The following UBE2E2 variants were observed in gnomAD, a reference collection of about 807,000 sequenced individuals.
UBE2E2 encodes ubiquitin conjugating enzyme E2 E2.
In UBE2E2, 6 loss-of-function variants were observed where a neutral mutation model predicts 24.7. The ratio of observed to expected loss-of-function variants is 0.24; its 90% CI spans 0.13 to 0.48. UBE2E2 has a LOEUF of 0.48. UBE2E2 is among the 20% of genes least tolerant of loss of function. The probability of loss-of-function intolerance (pLI) is 0.99; values close to 1 mark genes in which losing one functional copy is unlikely to be tolerated. For missense variants in UBE2E2, 169 were observed against 245.0 expected (o/e 0.69, Z 2.07); for synonymous variants, 104 against 83.6 (o/e 1.24, Z -1.33).
At chr3:23,400,052 C>T (rs187979108) in intron 3 of UBE2E2, among the ~76,000 whole-genome samples, 1 of 152,122 alleles carries the variant, frequency 6.6e-6, no homozygotes, top group Admixed American at 6.5e-5. Context: ...TATTACTACT[C>T]CACTGATAAA....
intron 3 of UBE2E2, among the ~76,000 whole-genome samples, chr3:23,247,945 G>GT (rs1697458059): frequency 6.6e-6 from 1 of 152,154 alleles, no homozygotes; most frequent in Admixed American, 6.5e-5. Context: ...AGACTTTGCA[G>GT]TTTAAAAGAA....
intron 3 of UBE2E2, among the ~76,000 whole-genome samples, chr3:23,325,657 G>C (rs1694867595): frequency 6.6e-6 from 1 of 152,168 alleles, no homozygotes; most frequent in African/African-American, 2.4e-5. Context: ...GTCCTCTCCG[G>C]TGTATTTGTT....
intron 3 of UBE2E2, among the ~76,000 whole-genome samples, chr3:23,467,418 C>A (rs530302679): frequency 6.6e-6 from 1 of 152,188 alleles, no homozygotes. Flanking sequence ...GAATCCAACT[C>A]GCTTGGTTTA....
chr3:23,362,044 A>C (rs765959628), intron 3 of UBE2E2, among the ~76,000 whole-genome samples: 14 of 152,200 alleles, frequency 9.2e-5, no homozygotes, highest in Non-Finnish European at 1.3e-4. Flanking sequence ...ATTCACTTTA[A>C]ATCAAATTCA....
intron 5 of UBE2E2, among the ~76,000 whole-genome samples, chr3:23,580,292 G>A (rs995140404): frequency 1.3e-5 from 2 of 152,180 alleles, no homozygotes; most frequent in Non-Finnish European, 2.9e-5. Flanking sequence ...AGAGTCGATC[G>A]ATGCGGCAAA....
chr3:23,405,873 A>G (rs1372081253), intron 3 of UBE2E2, among the ~76,000 whole-genome samples: 1 of 152,194 alleles, frequency 6.6e-6, no homozygotes, highest in Non-Finnish European at 1.5e-5. Flanking sequence ...TCTGGATCAA[A>G]GTGATAGAAA....
At chr3:23,449,976 G>C in intron 3 of UBE2E2, 2 of 963,668 alleles carry the variant, frequency 2.1e-6, no homozygotes, top group Non-Finnish European at 2.5e-6. Context: ...TGGGCCCACT[G>C]CTACCCTGCC....
intron 3 of UBE2E2, among the ~76,000 whole-genome samples, chr3:23,367,564 C>T (rs558259957): frequency 6.6e-5 from 10 of 152,294 alleles, no homozygotes; most frequent in African/African-American, 9.6e-5. Context: ...GCTCTGTGCC[C>T]CTTCCCCCCA....
At chr3:23,446,193 A>AG (rs1698426497) in intron 3 of UBE2E2, among the ~76,000 whole-genome samples, 1 of 152,212 alleles carries the variant, frequency 6.6e-6, no homozygotes, top group African/African-American at 2.4e-5. Flanking sequence ...ATAAATATAC[A>AG]GCCTCCAGGA....
rs896064068 is a variant in UBE2E2, at chr3:23,528,731, G to C, written c.361-3823G>C. 3.9e-5 allele frequency among the ~76,000 whole-genome samples: 6 copies of C among 152,138 alleles called. No homozygotes were observed. In the South Asian group the frequency reaches 8.3e-4, roughly 21 times the overall value. ...CCCTCTTCCCTTTAGCATGCATCTA[G>C]CTACATTCTGGCAGGTTAACTGGCA... On this transcript the variant is annotated intron_variant, in intron 4 of 5. Transcript: ENST00000396703.
At chr3:23,355,854 C>G (rs1482802233) in intron 3 of UBE2E2, among the ~76,000 whole-genome samples, 2 of 152,192 alleles carry the variant, frequency 1.3e-5, no homozygotes, top group Non-Finnish European at 2.9e-5. Flanking sequence ...GCAGTCTATG[C>G]AGTTCGTACA....
chr3:23,301,103 C>G (rs1415614442), intron 3 of UBE2E2, among the ~76,000 whole-genome samples: 1 of 152,192 alleles, frequency 6.6e-6, no homozygotes, highest in Non-Finnish European at 1.5e-5. Context: ...GCATTTGTCA[C>G]GTAGCTCTCA....
chr3:23,239,346 T>G (rs1472010685), intron 3 of UBE2E2, among the ~76,000 whole-genome samples: 1 of 152,302 alleles, frequency 6.6e-6, no homozygotes, highest in African/African-American at 2.4e-5. Flanking sequence ...TCTAGTGTAC[T>G]CACAACGTTG....
intron 4 of UBE2E2, among the ~76,000 whole-genome samples, chr3:23,508,707 G>A (rs939641134): frequency 6.6e-6 from 1 of 152,140 alleles, no homozygotes; most frequent in Non-Finnish European, 1.5e-5. Context: ...TCCATGCCCT[G>A]GAGTTCCTAT....
At chr3:23,243,241 G>C (rs1697303529) in intron 3 of UBE2E2, among the ~76,000 whole-genome samples, 1 of 152,178 alleles carries the variant, frequency 6.6e-6, no homozygotes, top group African/African-American at 2.4e-5. Flanking sequence ...TTCACCTGCT[G>C]CACTAGAGCC....
At chr3:23,360,625 T>G (rs1433931598) in intron 3 of UBE2E2, among the ~76,000 whole-genome samples, 3 of 152,036 alleles carry the variant, frequency 2.0e-5, no homozygotes, top group Non-Finnish European at 2.9e-5. Context: ...AATTTTCCAG[T>G]TAATACTTCA....
intron 3 of UBE2E2, among the ~76,000 whole-genome samples, chr3:23,356,734 C>T (rs1695965841): frequency 6.6e-6 from 1 of 152,180 alleles, no homozygotes; most frequent in Admixed American, 6.5e-5. Flanking sequence ...CACAGAAACA[C>T]TAAATCTCTG....
chr3:23,391,432 G>T (rs1696932692), intron 3 of UBE2E2, among the ~76,000 whole-genome samples: 1 of 152,038 alleles, frequency 6.6e-6, no homozygotes, highest in Admixed American at 6.6e-5. Context: ...ATTTTTGTTG[G>T]GCATCTACTA....
chr3:23,355,245 G>C (rs927705476), intron 3 of UBE2E2, among the ~76,000 whole-genome samples: 1 of 145,886 alleles, frequency 6.9e-6, no homozygotes, highest in Non-Finnish European at 1.5e-5. Flanking sequence ...TGGGGGAGGG[G>C]GGAGGGATAG....
Sources: gnomAD v4.1 joint callset for allele counts (sites outside exome capture counted in the v4.1 genomes callset) on GRCh38, gnomAD v4.1.1 for gene constraint, MANE v1.5 for transcripts, NCBI Gene and HGNC (gene_info 2026-07-23, HGNC 2026-07-21) for gene names.